Variants in DSCAM observed in about 807,000 individuals in gnomAD.
DSCAM encodes the protein DS cell adhesion molecule.
DSCAM carries 47 observed loss-of-function variants against 217.7 expected under a neutral mutation model. That is an observed-to-expected ratio of 0.22 (90% CI 0.17 to 0.28). The LOEUF is 0.28. DSCAM is among the 10% of genes least tolerant of loss of function. DSCAM has a pLI of 1.00. For synonymous variants in DSCAM, 1,056 were observed against 1,015.3 expected, an observed-to-expected ratio of 1.04 and a Z score of -0.76; for missense variants, 2,080 against 2,618.3, an observed-to-expected ratio of 0.79 and a Z score of 4.49.
chr21:40,324,113 AAAAAAAAAAAAAAAAAAAG>A (rs1165118097), intron 8 of DSCAM, among the ~76,000 whole-genome samples: 13 of 141,696 alleles, frequency 9.2e-5, no homozygotes, highest in African/African-American at 3.7e-4. Context: ...CAAAAAAAAA[AAAAAAAAAAAAAAAAAAAG>A]AAAAAAAAAA....
chr21:40,247,867 C>A (rs139942648), intron 11 of DSCAM, among the ~76,000 whole-genome samples: 454 of 152,336 alleles, frequency 3.0e-3, no homozygotes, highest in African/African-American at 0.01. Context: ...GAGGACCATG[C>A]CCCTGCAGCG....
chr21:40,400,157 G>A (rs2075220610), intron 3 of DSCAM, among the ~76,000 whole-genome samples: 1 of 152,032 alleles, frequency 6.6e-6, no homozygotes. Flanking sequence ...CAAATTATTG[G>A]AGACCATAAA....
intron 8 of DSCAM, among the ~76,000 whole-genome samples, chr21:40,324,008 G>A (rs2074288407): frequency 6.7e-6 from 1 of 148,768 alleles, no homozygotes; most frequent in South Asian, 2.2e-4. Flanking sequence ...GGAGGCTGAG[G>A]TAGAGAATTG....
intron 3 of DSCAM, among the ~76,000 whole-genome samples, chr21:40,583,154 C>T (rs1439683652): frequency 2.0e-5 from 3 of 152,060 alleles, no homozygotes; most frequent in Non-Finnish European, 4.4e-5. Context: ...CTGAAGTTTC[C>T]AAGAGATCCA....
At chr21:40,822,448 TAA>T (rs199828276) in intron 1 of DSCAM, among the ~76,000 whole-genome samples, 42 of 148,678 alleles carry the variant, frequency 2.8e-4, no homozygotes, top group African/African-American at 5.2e-4. Flanking sequence ...TGTTTTTTTT[TAA>T]AAAAAAAGAC....
chr21:40,504,270 T>A (rs939678257), intron 3 of DSCAM, among the ~76,000 whole-genome samples: 1 of 152,136 alleles, frequency 6.6e-6, no homozygotes, highest in African/African-American at 2.4e-5. Flanking sequence ...TAACACCAAG[T>A]CTGTACCAGG....
intron 30 of DSCAM, among the ~76,000 whole-genome samples, chr21:40,047,272 AAATAT>A (rs2088856941): frequency 6.6e-6 from 1 of 152,164 alleles, no homozygotes; most frequent in Non-Finnish European, 1.5e-5. Context: ...ATAGCAGCTA[AAATAT>A]AATTTTTACT....
intron 3 of DSCAM, among the ~76,000 whole-genome samples, chr21:40,681,715 G>A (rs1355646241): frequency 2.6e-5 from 4 of 152,142 alleles, no homozygotes; most frequent in African/African-American, 7.2e-5. Context: ...AATCATTTAA[G>A]TTACCATGAG....
chr21:40,719,462 C>A (rs1438751729), intron 1 of DSCAM, among the ~76,000 whole-genome samples: 3 of 152,146 alleles, frequency 2.0e-5, no homozygotes, highest in Non-Finnish European at 4.4e-5. Context: ...ATTTATACAA[C>A]AAAAGCACAT....
chr21:40,826,807 G>A (rs2091972457), intron 1 of DSCAM, among the ~76,000 whole-genome samples: 1 of 152,210 alleles, frequency 6.6e-6, no homozygotes, highest in South Asian at 2.1e-4. Flanking sequence ...GAGTTTAAAT[G>A]TTGAGATACC....
chr21:40,192,479 A>G (rs531522441), intron 11 of DSCAM, among the ~76,000 whole-genome samples: 6 of 152,126 alleles, frequency 3.9e-5, no homozygotes, highest in Non-Finnish European at 7.4e-5. Context: ...GTGAAGAAGC[A>G]TATGTTTGCT....
chr21:40,427,324 G>A (rs771564749), intron 3 of DSCAM, among the ~76,000 whole-genome samples: 2 of 152,124 alleles, frequency 1.3e-5, no homozygotes, highest in Admixed American at 6.5e-5. Context: ...CATGGCCCTC[G>A]GCATGAACCC....
chr21:40,275,344 AG>A (rs1433796617), intron 11 of DSCAM, among the ~76,000 whole-genome samples: 1 of 152,076 alleles, frequency 6.6e-6, no homozygotes, highest in Non-Finnish European at 1.5e-5. Flanking sequence ...AAAAAGTGGG[AG>A]GGGAGTCTGA....
chr21:40,645,536 T>C (rs910022756), intron 3 of DSCAM, among the ~76,000 whole-genome samples: 1 of 152,264 alleles, frequency 6.6e-6, no homozygotes, highest in African/African-American at 2.4e-5. Flanking sequence ...GCATCCACTA[T>C]TTAGTAAAGA....
In DSCAM at chr21:40,734,617, G is replaced by A. The variant is rs139078069; in HGVS notation, c.44-25846C>T. Among the ~76,000 whole-genome samples, 114 of 152,212 alleles carry A rather than the reference G, an allele frequency of 7.5e-4. 1 individual carries two copies. The highest frequency in any genetic ancestry group is 2.7e-3 in the East Asian group (14 of 5,172). On this transcript the variant is annotated intron_variant, in intron 1 of 32. Coordinates refer to ENST00000400454, the MANE Select transcript of DSCAM (RefSeq NM_001389.5). ...TTCTTCGAATGTAAATCCAATTGTC[G>A]GAGAGGTCTACAGATAATGTTTACC...
Position 40,077,946 on chromosome 21 carries a change from C to T in DSCAM, c.4711+741G>A, listed in dbSNP as rs115130368. Among the ~76,000 whole-genome samples the T allele has an allele frequency of 3.3e-3, 507 of 152,340 alleles. 5 individuals carry two copies. The highest frequency in any genetic ancestry group is 0.012 in the African/African-American group (489 of 41,586). ...AGAAATGAGCATCAGCCCGCTGCTG[C>T]TGGGACTTTCTAAAGTTCCCCTACT... On this transcript the variant is annotated intron_variant, in intron 26 of 32. Coordinates refer to ENST00000400454, the MANE Select transcript of DSCAM (RefSeq NM_001389.5).
intron 31 of DSCAM, among the ~76,000 whole-genome samples, chr21:40,042,974 A>C (rs1407024309): frequency 6.6e-6 from 1 of 152,226 alleles, no homozygotes; most frequent in Non-Finnish European, 1.5e-5. Flanking sequence ...TTTTAGTGAA[A>C]ACAGTAGGAG....
At chr21:40,524,953 T>G (rs1053976866) in intron 3 of DSCAM, among the ~76,000 whole-genome samples, 3 of 138,766 alleles carry the variant, frequency 2.2e-5, no homozygotes, top group Non-Finnish European at 4.5e-5. Context: ...GAGGTTGCAG[T>G]GAGCCAAGGT....
At chr21:40,062,220 C>T (rs1489956630) in intron 28 of DSCAM, among the ~76,000 whole-genome samples, 1 of 152,198 alleles carries the variant, frequency 6.6e-6, no homozygotes, top group Non-Finnish European at 1.5e-5. Flanking sequence ...GAAAGGAAAG[C>T]TGTGAAGGAT....
Sources: allele counts gnomAD v4.1 joint callset (sites outside exome capture counted in the v4.1 genomes callset), GRCh38; gene constraint gnomAD v4.1.1; transcripts MANE v1.5; gene names NCBI Gene and HGNC (gene_info 2026-07-23, HGNC 2026-07-21).